The following NELL1 variants were observed in gnomAD, a reference collection of about 807,000 sequenced individuals.
The protein encoded by NELL1 is protein kinase C-binding protein NELL1.
NELL1 carries 76 observed loss-of-function variants against 107.4 expected under a neutral mutation model. That is an observed-to-expected ratio of 0.71 (90% CI 0.59 to 0.86). The LOEUF (loss-of-function observed/expected upper bound fraction) is 0.86, where lower values mean the gene tolerates loss of function less well. Ranked by LOEUF, NELL1 falls within the 40% of genes least tolerant of loss-of-function variation. The probability of loss-of-function intolerance (pLI) is 0.00; values close to 1 mark genes in which losing one functional copy is unlikely to be tolerated. For missense variants in NELL1, 1,024 were observed against 1,005.5 expected (o/e 1.02, Z -0.25); for synonymous variants, 353 against 341.2 (o/e 1.03, Z -0.38).
In NELL1 at chr11:20,866,523, C is replaced by G. The variant is rs529467850; in HGVS notation, c.506+18770C>G. Among the ~76,000 whole-genome samples, 3 of 152,140 alleles carry G rather than the reference C, an allele frequency of 2.0e-5. No individual in the cohort carries two copies. The South Asian group carries it at 6.2e-4, about 31-fold the overall frequency. On this transcript the variant is annotated intron_variant, in intron 4 of 19. Transcript: ENST00000357134. ...TGGTGCTGAGAAACAGATGAAAAGG[C>G]CAATTTCTGGCCTTTTGTTTTTCAA...
chr11:21,116,072 C>G lies in NELL1; in HGVS notation c.1426+2358C>G, dbSNP rs191232120. Among the ~76,000 whole-genome samples the G allele has an allele frequency of 2.0e-5, 3 of 152,116 alleles. No homozygotes were observed. The East Asian group carries it at 5.8e-4, about 29-fold the overall frequency. On this transcript the variant is annotated intron_variant, in intron 13 of 19. Transcript: ENST00000357134. The stretch of plus-strand genomic sequence containing the variant: ...GCTCACATATGCTCCTCACCTCTCT[C>G]CAGTCAGACTTCCATACTCACCATT...
intron 14 of NELL1, among the ~76,000 whole-genome samples, chr11:21,265,033 A>G (rs1356057928): frequency 1.3e-5 from 2 of 151,980 alleles, no homozygotes; most frequent in African/African-American, 4.8e-5. Flanking sequence ...AGAGTTGTTC[A>G]TGTGGCTGTA....
rs1307342455 is a variant in NELL1, at chr11:21,573,181, A to G, written c.2158-4A>G. ...ATGAGACATTTTTTGCTTTTCCTCT[A>G]CAGGAAGGAGAGGTAGATTGCTGGC... On this transcript the variant is annotated splice_region_variant and splice_polypyrimidine_tract_variant and intron_variant, in intron 18 of 19. Coordinates refer to ENST00000357134, the MANE Select transcript of NELL1 (RefSeq NM_006157.5). The G allele has an allele frequency of 6.2e-6, 10 of 1,608,582 alleles. No individual in the cohort carries two copies. The highest frequency in any genetic ancestry group is 6.8e-6 in the Non-Finnish European group (8 of 1,175,880).
intron 12 of NELL1, among the ~76,000 whole-genome samples, chr11:21,056,380 T>C (rs1853615879): frequency 6.6e-6 from 1 of 152,192 alleles, no homozygotes; most frequent in African/African-American, 2.4e-5. Context: ...AGAGGTACTG[T>C]AGCAGAAAGA....
intron 13 of NELL1, among the ~76,000 whole-genome samples, chr11:21,153,138 A>C (rs1322512742): frequency 6.6e-6 from 1 of 152,128 alleles, no homozygotes; most frequent in Non-Finnish European, 1.5e-5. Flanking sequence ...AGGCATTTAA[A>C]ATGCAATTGT....
chr11:21,349,978 C>T (rs912416890), intron 14 of NELL1, among the ~76,000 whole-genome samples: 12 of 152,000 alleles, frequency 7.9e-5, no homozygotes, highest in African/African-American at 2.9e-4. Flanking sequence ...AGACTTAGAC[C>T]TTTTACTTGC....
chr11:21,111,490 T>C (rs1437980688), intron 12 of NELL1, among the ~76,000 whole-genome samples: 1 of 152,062 alleles, frequency 6.6e-6, no homozygotes, highest in African/African-American at 2.4e-5. Context: ...AGGGAAGGCA[T>C]GGTGGCTTAA....
intron 10 of NELL1, among the ~76,000 whole-genome samples, chr11:20,945,263 G>T (rs1383762167): frequency 6.6e-6 from 1 of 152,156 alleles, no homozygotes; most frequent in African/African-American, 2.4e-5. Context: ...TAGATGAAAG[G>T]TCAAACATAC....
intron 2 of NELL1, among the ~76,000 whole-genome samples, chr11:20,682,112 CATT>C (rs1377000463): frequency 6.6e-6 from 1 of 151,938 alleles, no homozygotes; most frequent in African/African-American, 2.4e-5. Context: ...TTTTGGGGCC[CATT>C]ATTCTATCAT....
chr11:21,183,853 G>A (rs767671667), intron 13 of NELL1, among the ~76,000 whole-genome samples: 4 of 151,844 alleles, frequency 2.6e-5, no homozygotes, highest in Non-Finnish European at 5.9e-5. Context: ...CTCTGAACAA[G>A]TGAGATTGAG....
At chr11:20,845,006 A>G (rs1357915361) in intron 3 of NELL1, among the ~76,000 whole-genome samples, 2 of 152,128 alleles carry the variant, frequency 1.3e-5, no homozygotes, top group African/African-American at 4.8e-5. Context: ...ATATTGCCTT[A>G]TTTTCCTCCT....
In NELL1 at chr11:21,229,208, A is replaced by G; in HGVS notation, c.1427-124A>G. ...TTTCAACAGGAACTTTTAGGCGCAT[A>G]GTAAGGTACTGACAAGTGGTAGTCA... On this transcript the variant is annotated intron_variant, in intron 13 of 19. Coordinates refer to ENST00000357134, the MANE Select transcript of NELL1 (RefSeq NM_006157.5). The G allele has an allele frequency of 1.4e-5, 14 of 1,030,122 alleles. No individual in the cohort carries two copies. The South Asian group carries it at 2.1e-4, about 16-fold the overall frequency. The allele number at this position is 1,030,122 out of a possible 1,614,324, so 63.8% of individuals were successfully genotyped here.
At chr11:21,315,902 T>A (rs1201549261) in intron 14 of NELL1, among the ~76,000 whole-genome samples, 6 of 151,690 alleles carry the variant, frequency 4.0e-5, no homozygotes, top group East Asian at 3.9e-4. Flanking sequence ...TGTGTGTGTG[T>A]GTGTGTGTGT....
At chr11:21,095,982 G>C (rs756438618) in intron 12 of NELL1, among the ~76,000 whole-genome samples, 1 of 152,080 alleles carries the variant, frequency 6.6e-6, no homozygotes, top group Non-Finnish European at 1.5e-5. Context: ...AAAACCATCA[G>C]ATCTCATAAG....
chr11:20,718,345 G>A (rs190163222), intron 2 of NELL1, among the ~76,000 whole-genome samples: 22 of 152,236 alleles, frequency 1.4e-4, no homozygotes, highest in Non-Finnish European at 2.5e-4. Flanking sequence ...TTATTGGGTA[G>A]TGCCATTCTA....
At chr11:20,750,697 C>A (rs186187737) in intron 2 of NELL1, among the ~76,000 whole-genome samples, 12 of 152,144 alleles carry the variant, frequency 7.9e-5, no homozygotes, top group Non-Finnish European at 1.5e-4. Flanking sequence ...GGTGATCCTC[C>A]CGTCTCAACC....
At chr11:20,745,209 G>T (rs1427149513) in intron 2 of NELL1, among the ~76,000 whole-genome samples, 4 of 152,110 alleles carry the variant, frequency 2.6e-5, no homozygotes, top group African/African-American at 7.2e-5. Context: ...CACATAATAG[G>T]TGATCAGTAA....
chr11:20,716,883 T>G (rs914373804), intron 2 of NELL1, among the ~76,000 whole-genome samples: 1 of 151,952 alleles, frequency 6.6e-6, no homozygotes, highest in South Asian at 2.1e-4. Flanking sequence ...TGTTGCCTTA[T>G]GCGGTTTACA....
intron 14 of NELL1, among the ~76,000 whole-genome samples, chr11:21,369,037 C>T (rs755740859): frequency 3.9e-5 from 6 of 152,006 alleles, no homozygotes; most frequent in South Asian, 2.1e-4. Flanking sequence ...GTAAATCAAA[C>T]GCATATACCT....
Sources: allele counts gnomAD v4.1 joint callset (sites outside exome capture counted in the v4.1 genomes callset), GRCh38; gene constraint gnomAD v4.1.1; transcripts MANE v1.5; gene names NCBI Gene and HGNC (gene_info 2026-07-23, HGNC 2026-07-21).